The following NEK11 variants were observed in gnomAD, a reference collection of about 807,000 sequenced individuals.
NEK11 encodes NIMA related kinase 11.
In NEK11, 72 loss-of-function variants were observed where a neutral mutation model predicts 80.7. The ratio of observed to expected loss-of-function variants is 0.89; its 90% confidence interval spans 0.74 to 1.08. The LOEUF (loss-of-function observed/expected upper bound fraction) is 1.08, where lower values mean the gene tolerates loss of function less well. Ranked by LOEUF, NEK11 falls within the 50% of genes least tolerant of loss-of-function variation. The probability of loss-of-function intolerance (pLI) is 0.00; values close to 1 mark genes in which losing one functional copy is unlikely to be tolerated. For missense variants in NEK11, 764 were observed against 763.6 expected (o/e 1.00, Z -0.01); for synonymous variants, 251 against 260.7 (o/e 0.96, Z 0.36).
chr3:131,326,371 C>T (rs1297850773), intron 17 of NEK11: 4 of 152,478 alleles, frequency 2.6e-5, no homozygotes, highest in Admixed American at 6.5e-5. Flanking sequence ...AGGCTCCCTG[C>T]TCCTGCCTGA....
chr3:131,143,069 C>T (rs919267755), intron 7 of NEK11, among the ~76,000 whole-genome samples: 2 of 152,162 alleles, frequency 1.3e-5, no homozygotes, highest in Non-Finnish European at 2.9e-5. Flanking sequence ...TTCAGCTCAT[C>T]AGTCACACTA....
At chr3:131,303,674 G>A (rs2096687485) in intron 17 of NEK11, among the ~76,000 whole-genome samples, 1 of 152,124 alleles carries the variant, frequency 6.6e-6, no homozygotes, top group Non-Finnish European at 1.5e-5. Flanking sequence ...GCTGGATATA[G>A]GCCCCCTATG....
intron 14 of NEK11, among the ~76,000 whole-genome samples, chr3:131,178,371 T>G (rs1046565209): frequency 2.6e-5 from 4 of 152,252 alleles, no homozygotes; most frequent in African/African-American, 9.6e-5. Flanking sequence ...ATTTTAAAAC[T>G]TTTTGATTAT....
chr3:131,304,759 T>A (rs1328614341), intron 17 of NEK11, among the ~76,000 whole-genome samples: 2 of 152,120 alleles, frequency 1.3e-5, no homozygotes, highest in African/African-American at 2.4e-5. Context: ...TGTTGAGGTG[T>A]TCCCGGTCTG....
chr3:131,031,737 T>TA (rs903822657), intron 3 of NEK11, among the ~76,000 whole-genome samples: 27 of 152,032 alleles, frequency 1.8e-4, no homozygotes, highest in African/African-American at 6.0e-4. Context: ...GAACCAATCT[T>TA]AAAAAAACAC....
At chr3:131,219,554 T>C (rs1330624502) in intron 14 of NEK11, among the ~76,000 whole-genome samples, 1 of 52,630 alleles carries the variant, frequency 1.9e-5, no homozygotes, top group African/African-American at 8.3e-5. Context: ...ACTTAAAGTA[T>C]ACAAAAAAAA....
intron 7 of NEK11, 86 bp from the exon 8 acceptor site, chr3:131,152,302 C>A: frequency 8.4e-7 from 1 of 1,186,152 alleles, no homozygotes; most frequent in Non-Finnish European, 1.2e-6. Flanking sequence ...ACAGCCAATG[C>A]CCCAACACAT....
intron 16 of NEK11, among the ~76,000 whole-genome samples, chr3:131,256,156 C>T (rs566232824): frequency 3.0e-4 from 46 of 152,048 alleles, no homozygotes; most frequent in African/African-American, 1.1e-3. Flanking sequence ...GTTGGGTGAC[C>T]GTGGTTAGCA....
intron 17 of NEK11, 75 bp downstream of exon 17, chr3:131,273,649 G>A: frequency 9.1e-7 from 1 of 1,093,148 alleles, no homozygotes; most frequent in Non-Finnish European, 1.4e-6. Context: ...ACCCAGTCAT[G>A]TGATACTGTC....
Position 131,029,887 on chromosome 3 carries a change from A to G in NEK11, c.170+9A>G. The G allele has an allele frequency of 6.2e-7, 1 of 1,613,686 alleles. No homozygotes were observed. The highest frequency in any genetic ancestry group is 8.5e-7 in the Non-Finnish European group (1 of 1,179,700). Reference sequence around the variant, plus strand: ...AAACGAGGAGAGGAATTGTAAGTAAAAATGCTTCCTATGAATCTTGAGTAG... The same window carrying G: ...AAACGAGGAGAGGAATTGTAAGTAAGAATGCTTCCTATGAATCTTGAGTAG... On this transcript the variant is annotated intron_variant, in intron 3 of 17. Transcript: ENST00000383366.
chr3:131,341,670 CTGTTT>C (rs2097288771), intron 17 of NEK11, among the ~76,000 whole-genome samples: 2 of 152,052 alleles, frequency 1.3e-5, no homozygotes, highest in Non-Finnish European at 2.9e-5. Context: ...TATTTTGATT[CTGTTT>C]TATTAGATGC....
chr3:131,303,613 T>C (rs984012545), intron 17 of NEK11, among the ~76,000 whole-genome samples: 1 of 152,174 alleles, frequency 6.6e-6, no homozygotes. Flanking sequence ...TTTATGAAGC[T>C]TAGTTGGCTG....
At chr3:131,107,032 A>C (rs1162181533) in intron 4 of NEK11, among the ~76,000 whole-genome samples, 2 of 152,178 alleles carry the variant, frequency 1.3e-5, no homozygotes, top group Non-Finnish European at 2.9e-5. Context: ...TCTTTTAAAG[A>C]GGAAATCTTT....
chr3:131,269,576 CCAATGAG>C, intron 16 of NEK11, among the ~76,000 whole-genome samples: 1 of 152,184 alleles, frequency 6.6e-6, no homozygotes, highest in East Asian at 1.9e-4. Context: ...CTAACCAGTC[CCAATGAG>C]ATGAGCTTGG....
At chr3:131,265,250 T>A (rs2096024993) in intron 16 of NEK11, among the ~76,000 whole-genome samples, 1 of 152,214 alleles carries the variant, frequency 6.6e-6, no homozygotes, top group Admixed American at 6.5e-5. Flanking sequence ...TCCAATACTA[T>A]GTTGAATAGG....
At position 131,083,489 on chromosome 3, in the gene NEK11, G is replaced by A. The variant is rs367735757; in HGVS notation, c.336+2901G>A. 2.0e-4 allele frequency among the ~76,000 whole-genome samples: 30 copies of A among 152,378 alleles called. 2 individuals are homozygous for A. In the South Asian group the frequency reaches 6.2e-3, roughly 32 times the overall value. Reference sequence around the variant, plus strand: ...ACAGATTGCTCCGTTCTTGTTAACAGAGATATTTCTCATCATCAGACCCAA... The same window carrying A: ...ACAGATTGCTCCGTTCTTGTTAACAAAGATATTTCTCATCATCAGACCCAA... On this transcript the variant is annotated intron_variant, in intron 4 of 17. Transcript: ENST00000383366.
chr3:131,220,930 C>T (rs187585425), intron 14 of NEK11, among the ~76,000 whole-genome samples: 5 of 151,910 alleles, frequency 3.3e-5, no homozygotes, highest in African/African-American at 1.2e-4. Flanking sequence ...TTTTGCAGTT[C>T]GAAGGTATGA....
intron 14 of NEK11, among the ~76,000 whole-genome samples, chr3:131,209,634 G>C (rs980630245): frequency 6.6e-6 from 1 of 152,124 alleles, no homozygotes; most frequent in South Asian, 2.1e-4. Flanking sequence ...TTGGTTGGTA[G>C]GCTATTAACT....
intron 4 of NEK11, among the ~76,000 whole-genome samples, chr3:131,104,081 G>A (rs2149293523): frequency 6.6e-6 from 1 of 152,298 alleles, no homozygotes; most frequent in African/African-American, 2.4e-5. Context: ...GCTCTGCCTA[G>A]GGAAGACAAA....
Sources: allele counts gnomAD v4.1 joint callset (sites outside exome capture counted in the v4.1 genomes callset), GRCh38; gene constraint gnomAD v4.1.1; transcripts MANE v1.5; gene names NCBI Gene and HGNC (gene_info 2026-07-23, HGNC 2026-07-21).